Variants in SYTL3 observed in about 807,000 individuals in gnomAD.
SYTL3 encodes synaptotagmin like 3, also known as synaptotagmin-like protein 3.
A neutral mutation model predicts 82.1 loss-of-function variants in SYTL3; 88 were observed. That is an observed-to-expected ratio of 1.07 (90% CI 0.90 to 1.28). The LOEUF is 1.28. Ranked by LOEUF, SYTL3 falls within the 50% of genes most tolerant of loss-of-function variation. The probability of loss-of-function intolerance (pLI) is 0.00; values close to 1 mark genes in which losing one functional copy is unlikely to be tolerated. For synonymous variants in SYTL3, 311 were observed against 289.4 expected, an observed-to-expected ratio of 1.07 and a Z score of -0.76; for missense variants, 831 against 757.6, an observed-to-expected ratio of 1.10 and a Z score of -1.14.
intron 11 of SYTL3, among the ~76,000 whole-genome samples, 180 bp from the exon 12 acceptor site, chr6:158,745,300 T>G (rs1787480099): frequency 1.8e-5 from 2 of 109,212 alleles, no homozygotes; most frequent in Non-Finnish European, 3.8e-5. Context: ...ATTCTCTGTC[T>G]CCTTGAGATA....
rs1369675446 is a variant in SYTL3 at position 158,757,191 on chromosome 6, T to C, written c.1138-20T>C. ...CGGGCCCCGGGAGCCCAGCTGACCA[T>C]CTCTTCCTTGCCTCTGCAGTATCAG... On this transcript the variant is annotated intron_variant, in intron 13 of 17. Transcript: ENST00000611299. 6.2e-7 allele frequency: 1 copy of C among 1,601,722 alleles called. No homozygotes were observed. Among genetic ancestry groups the C allele is most frequent in the African/African-American group, 1.3e-5 (1 of 74,350 alleles).
chr6:158,737,039 C>CAAA (rs201499466), intron 11 of SYTL3, among the ~76,000 whole-genome samples: 3,493 of 113,778 alleles, frequency 0.031, 144 homozygotes, highest in African/African-American at 0.1. Flanking sequence ...CATTTCATGG[C>CAAA]AAAAAAAAAA....
intron 6 of SYTL3, among the ~76,000 whole-genome samples, chr6:158,703,627 C>G (rs192787400): frequency 1.3e-5 from 2 of 152,012 alleles, no homozygotes; most frequent in African/African-American, 4.8e-5. Flanking sequence ...CAAATCTGCC[C>G]GGATCTTGCT....
chr6:158,754,070 C>T (rs1293971390), intron 13 of SYTL3, among the ~76,000 whole-genome samples: 5 of 152,096 alleles, frequency 3.3e-5, no homozygotes, highest in African/African-American at 4.8e-5. Context: ...TGTGCAGCAC[C>T]CAGGCTTTGT....
At chr6:158,718,290 AG>A (rs1783659424) in intron 10 of SYTL3, 79 bp downstream of exon 10, 2 of 1,305,044 alleles carry the variant, frequency 1.5e-6, no homozygotes, top group Admixed American at 7.0e-5. Flanking sequence ...CCTTCTCTGT[AG>A]ATTTATGTTT....
chr6:158,689,566 T>C (rs1445209782), intron 6 of SYTL3, among the ~76,000 whole-genome samples: 1 of 152,214 alleles, frequency 6.6e-6, no homozygotes, highest in Non-Finnish European at 1.5e-5. Flanking sequence ...CCGTATAATT[T>C]CTTTTGCTTT....
At chr6:158,732,166 G>T (rs979615244) in intron 11 of SYTL3, among the ~76,000 whole-genome samples, 25 of 152,198 alleles carry the variant, frequency 1.6e-4, no homozygotes, top group African/African-American at 6.0e-4. Context: ...AACACTAAAG[G>T]TTTAAAATAG....
chr6:158,647,354 T>A (rs1215548597), upstream of SYTL3, among the ~76,000 whole-genome samples: 2 of 152,246 alleles, frequency 1.3e-5, no homozygotes, highest in Non-Finnish European at 2.9e-5. Context: ...ACGGATGAGC[T>A]GGTCTGTTTA....
intron 11 of SYTL3, chr6:158,725,865 A>C: frequency 4.3e-6 from 3 of 703,214 alleles, no homozygotes; most frequent in Non-Finnish European, 7.8e-6. Flanking sequence ...GTGTGTCAGC[A>C]GATTCATTAT....
chr6:158,752,008 C>T lies in SYTL3; in HGVS notation c.1115C>T (p.Pro372Leu), dbSNP rs759780622. The T allele has an allele frequency of 6.3e-6, 10 of 1,599,186 alleles. No individual in the cohort carries two copies. The highest frequency in any genetic ancestry group is 1.8e-5 in the Admixed American group (1 of 56,300). The stretch of plus-strand genomic sequence containing the variant: ...GGAGTCCAAAGGAACACCGTGGACC[C>T]GACCTTTCAGGAGACCTTGAAGGTA... The part of the protein sequence containing the change: ...KTGVQRNTVD[P>L]TFQETLKYQV... The change falls in exon 13 of 18, where the codon CCG becomes CTG. Residue 372 changes from proline to leucine, a missense_variant. By Grantham distance (98) the Pro-to-Leu change is moderately conservative (BLOSUM62 -3). Transcript: ENST00000611299.
intron 15 of SYTL3, among the ~76,000 whole-genome samples, 185 bp from the exon 16 acceptor site, chr6:158,761,891 G>A (rs2128553352): frequency 6.6e-6 from 1 of 152,140 alleles, no homozygotes; most frequent in South Asian, 2.1e-4. Flanking sequence ...GAGCGGCACG[G>A]TGTGGGCAGC....
chr6:158,649,691 T>C (rs182571959), upstream of SYTL3, among the ~76,000 whole-genome samples: 1 of 152,352 alleles, frequency 6.6e-6, no homozygotes, highest in African/African-American at 2.4e-5. Flanking sequence ...CTTTGAGATG[T>C]GGTTAGTCAT....
chr6:158,684,276 T>C (rs1779055352), intron 6 of SYTL3, among the ~76,000 whole-genome samples: 1 of 152,182 alleles, frequency 6.6e-6, no homozygotes, highest in African/African-American at 2.4e-5. Flanking sequence ...GGGGACGTGA[T>C]TGCGGGCTCA....
chr6:158,653,313 C>A (rs974118077), intron 2 of SYTL3, among the ~76,000 whole-genome samples: 2 of 151,976 alleles, frequency 1.3e-5, no homozygotes, highest in African/African-American at 2.4e-5. Flanking sequence ...TTGAGACCAG[C>A]CTGACCAACA....
chr6:158,745,001 A>G (rs886303459), intron 11 of SYTL3, among the ~76,000 whole-genome samples: 7 of 152,058 alleles, frequency 4.6e-5, no homozygotes, highest in African/African-American at 1.7e-4. Flanking sequence ...GCCCTGTGAG[A>G]TCAGTATGGT....
intron 5 of SYTL3, among the ~76,000 whole-genome samples, chr6:158,674,746 A>G (rs1294301731): frequency 6.6e-6 from 1 of 152,190 alleles, no homozygotes; most frequent in East Asian, 1.9e-4. Flanking sequence ...TATCTGATAT[A>G]ACAGACCAGG....
chr6:158,674,289 GTTTATGAAATATTCCCT>G (rs1777779050), intron 5 of SYTL3, among the ~76,000 whole-genome samples: 2 of 152,050 alleles, frequency 1.3e-5, no homozygotes, highest in African/African-American at 4.8e-5. Flanking sequence ...GGCTCTGTTA[GTTTATGAAATATTCCCT>G]TATTGTAGTC....
intron 17 of SYTL3, 127 bp from the exon 18 acceptor site, chr6:158,764,368 C>T (rs1790475781): frequency 1.5e-6 from 1 of 655,022 alleles, no homozygotes; most frequent in East Asian, 2.7e-5. Context: ...CGTCTGTCAT[C>T]AGTGGTTGGC....
chr6:158,709,044 C>T (rs573782094), intron 8 of SYTL3, among the ~76,000 whole-genome samples: 1 of 152,270 alleles, frequency 6.6e-6, no homozygotes, highest in Non-Finnish European at 1.5e-5. Flanking sequence ...ACCAGCCTGG[C>T]CAACATGGTG....
Sources: gnomAD v4.1 joint callset for allele counts (sites outside exome capture counted in the v4.1 genomes callset) on GRCh38, gnomAD v4.1.1 for gene constraint, MANE v1.5 for transcripts, NCBI Gene and HGNC (gene_info 2026-07-23, HGNC 2026-07-21) for gene names.